Variants in PRIM1 observed in about 807,000 individuals in gnomAD.
PRIM1 encodes DNA primase small subunit.
PRIM1 carries 38 observed loss-of-function variants against 60.2 expected under a neutral mutation model. The ratio of observed to expected loss-of-function variants is 0.63; its 90% CI spans 0.49 to 0.83. The LOEUF (loss-of-function observed/expected upper bound fraction) is 0.83. PRIM1 is among the 40% of genes least tolerant of loss of function. The pLI, the probability that PRIM1 is intolerant of heterozygous loss-of-function variation, is 0.00. For missense variants in PRIM1, 388 were observed against 506.2 expected, an observed-to-expected ratio of 0.77 and a Z score of 2.24; for synonymous variants, 158 against 160.2, an observed-to-expected ratio of 0.99 and a Z score of 0.10.
At chr12:56,751,269 GAGA>G (rs1347607999) in intron 1 of PRIM1, 74 bp from the exon 2 acceptor site, 5 of 1,168,276 alleles carry the variant, frequency 4.3e-6, no homozygotes, top group Non-Finnish European at 4.6e-6. Flanking sequence ...TTTAGCCAAT[GAGA>G]AGTTTTTTTT....
chr12:56,742,917 A>G (rs1210894999), intron 7 of PRIM1, 70 bp downstream of exon 7: 1 of 1,120,680 alleles, frequency 8.9e-7, no homozygotes, highest in Non-Finnish European at 1.2e-6. Flanking sequence ...ACAAGCAGAC[A>G]TGTCTAACAT....
chr12:56,732,451 G>A (rs1048932907), intron 12 of PRIM1, among the ~76,000 whole-genome samples: 1 of 152,068 alleles, frequency 6.6e-6, no homozygotes, highest in Non-Finnish European at 1.5e-5. Context: ...TGGCAATAGC[G>A]CAGTTGGCCT....
At chr12:56,747,118 C>G in intron 2 of PRIM1, 86 bp from the exon 3 acceptor site, 2 of 1,137,056 alleles carry the variant, frequency 1.8e-6, no homozygotes, top group Non-Finnish European at 2.5e-6. Context: ...GAAAAAGTTG[C>G]CAAACAGAAA....
chr12:56,741,795 T>C lies in PRIM1; in HGVS notation c.791A>G (p.Asn264Ser), dbSNP rs200687851. 5.5e-5 allele frequency: 88 copies of C among 1,614,010 alleles called. No homozygotes were observed. In the African/African-American group the frequency reaches 1.1e-3, roughly 19 times the overall value. Residue 264 changes from asparagine to serine, a missense_variant, in exon 8 of 13, where the codon AAT (asparagine) becomes AGT (serine). By Grantham distance (46) the Asn-to-Ser change is conservative. Coordinates refer to ENST00000338193, the MANE Select transcript of PRIM1 (RefSeq NM_000946.3). ...ELQQSFQKSH[N>S]SLQRWEHLKK... is the part of the protein sequence containing the mutation. ...CAAGTGCTCCCAACGCTGAAGTGAA[T>C]TGTGAGACTTTTGGAAGCTTTGTTG...
chr12:56,749,972 G>A (rs944894620), intron 2 of PRIM1, among the ~76,000 whole-genome samples: 4 of 152,130 alleles, frequency 2.6e-5, no homozygotes, highest in Admixed American at 1.3e-4. Flanking sequence ...CAGGGGGTGG[G>A]AGGAGTGGCA....
intron 11 of PRIM1, among the ~76,000 whole-genome samples, chr12:56,736,260 T>C (rs1192054564): frequency 8.9e-6 from 1 of 112,772 alleles, no homozygotes; most frequent in Non-Finnish European, 1.6e-5. Flanking sequence ...ATTGCACCAT[T>C]GCACACCAGC....
chr12:56,741,043 G>A (rs946331310), intron 9 of PRIM1, among the ~76,000 whole-genome samples: 17 of 152,196 alleles, frequency 1.1e-4, no homozygotes, highest in African/African-American at 3.9e-4. Flanking sequence ...TAGACTCTGG[G>A]GCTCAAGTGA....
chr12:56,751,279 T>C, intron 1 of PRIM1, 84 bp from the exon 2 acceptor site: 1 of 1,053,850 alleles, frequency 9.5e-7, no homozygotes. Flanking sequence ...GAGAAGTTTT[T>C]TTTTTCGGTG....
rs1439095118 is a variant in PRIM1, at chr12:56,743,917, A to G, written c.638+148T>C. 3 of 569,296 alleles carry G rather than the reference A, an allele frequency of 5.3e-6. No individual in the cohort carries two copies. The African/African-American group carries it at 5.6e-5, about 11-fold the overall frequency. The allele number at this position is 569,296 out of a possible 1,614,324, so 35.3% of individuals were successfully genotyped here. ...CATCTGTAAAGCACCTTTTAGGAAT[A>G]CTGCAGCATAAAATAGGCACTCAAT... On this transcript the variant is annotated intron_variant, in intron 6 of 12. Transcript: ENST00000338193.
chr12:56,741,277 T>G (rs1301950020), intron 9 of PRIM1, among the ~76,000 whole-genome samples, 158 bp downstream of exon 9: 1 of 152,166 alleles, frequency 6.6e-6, no homozygotes, highest in Non-Finnish European at 1.5e-5. Context: ...TAGAAACTCA[T>G]CTGGTAGCTA....
chr12:56,748,652 A>G (rs1357309458), intron 2 of PRIM1, among the ~76,000 whole-genome samples: 1 of 150,514 alleles, frequency 6.6e-6, no homozygotes, highest in Non-Finnish European at 1.5e-5. Context: ...AGCTTTAGCT[A>G]AAAGAAAGTG....
At chr12:56,743,993 A>C in intron 6 of PRIM1, 72 bp downstream of exon 6, 1 of 1,070,294 alleles carries the variant, frequency 9.3e-7, no homozygotes, top group Non-Finnish European at 1.4e-6. Flanking sequence ...GAAAATTGAT[A>C]GCAAGGTAAC....
At chr12:56,751,739 A>G (rs1194695479) in intron 1 of PRIM1, 1 of 153,240 alleles carries the variant, frequency 6.5e-6, no homozygotes, top group Non-Finnish European at 1.5e-5. Context: ...ACAGATGCAT[A>G]AATATTTTAA....
At position 56,735,288 on chromosome 12, in the gene PRIM1, C is replaced by T. The variant is rs556630007; in HGVS notation, c.1145-1043G>A. ...TAAGTTTTTGTATTTTTAGTAGAGA[C>T]GGGGTTTCACCATGCTGTCCAAGAT... is the stretch of plus-strand genomic sequence containing the variant. On this transcript the variant is annotated intron_variant, in intron 11 of 12. Coordinates refer to ENST00000338193, the MANE Select transcript of PRIM1 (RefSeq NM_000946.3). Among the ~76,000 whole-genome samples the T allele has an allele frequency of 8.6e-5, 13 of 150,836 alleles. No homozygotes were observed. In the East Asian group the frequency reaches 9.8e-4, roughly 11 times the overall value.
In PRIM1 at chr12:56,731,596, A is replaced by T; in HGVS notation, c.*119T>A. 2 of 1,006,556 alleles carry T rather than the reference A, an allele frequency of 2.0e-6. No homozygotes were observed. The highest frequency in any genetic ancestry group is 3.3e-5 in the Admixed American group (1 of 30,242). The allele number at this position is 1,006,556 out of a possible 1,614,324, so 62.4% of individuals were successfully genotyped here. A position where few individuals can be genotyped will look rare whatever the true frequency, so the allele number is the denominator to read the frequency against. On this transcript the variant is annotated 3_prime_UTR_variant, in exon 13 of 13. Coordinates refer to ENST00000338193, the MANE Select transcript of PRIM1 (RefSeq NM_000946.3). ...CAACATAAATTATTTCTCAAGGAAA[A>T]TTTACTTTGAGGTTTAAGACACATA...
chr12:56,736,476 A>G (rs1953831831), intron 11 of PRIM1, among the ~76,000 whole-genome samples: 1 of 150,462 alleles, frequency 6.6e-6, no homozygotes, highest in African/African-American at 2.4e-5. Context: ...TCCTCATAAT[A>G]GTTCTTTAAA....
chr12:56,741,057 G>T (rs1953869431), intron 9 of PRIM1, among the ~76,000 whole-genome samples: 2 of 152,182 alleles, frequency 1.3e-5, no homozygotes, highest in Middle Eastern at 3.4e-3. Flanking sequence ...CAAGTGATTT[G>T]CCCACCTTGC....
At chr12:56,733,349 G>A (rs1367347089) in intron 12 of PRIM1, among the ~76,000 whole-genome samples, 1 of 151,684 alleles carries the variant, frequency 6.6e-6, no homozygotes, top group Non-Finnish European at 1.5e-5. Flanking sequence ...AGTAGAGATG[G>A]GGTTTTACTA....
intron 6 of PRIM1, chr12:56,743,794 C>T: frequency 3.0e-6 from 1 of 329,902 alleles, no homozygotes; most frequent in East Asian, 5.2e-5. Context: ...CGTGTGATGC[C>T]AAGCTCATTA....
Sources: allele counts gnomAD v4.1 joint callset (sites outside exome capture counted in the v4.1 genomes callset), GRCh38; gene constraint gnomAD v4.1.1; transcripts MANE v1.5; gene names NCBI Gene and HGNC (gene_info 2026-07-23, HGNC 2026-07-21).